Variants in SHB observed in about 807,000 individuals in gnomAD.
SHB encodes SH2 domain containing adaptor protein B, also known as SH2 domain-containing adapter protein B.
A neutral mutation model predicts 52.3 loss-of-function variants in SHB; 20 were observed. That is an observed-to-expected ratio of 0.38 (90% confidence interval 0.27 to 0.56). The LOEUF (loss-of-function observed/expected upper bound fraction) is 0.56, where lower values mean the gene tolerates loss of function less well. Ranked by LOEUF, SHB falls within the 20% of genes least tolerant of loss-of-function variation. SHB has a pLI of 0.71. For synonymous variants in SHB, 397 were observed against 316.5 expected (o/e 1.25, Z -2.70); for missense variants, 825 against 723.3 (o/e 1.14, Z -1.61).
intron 5 of SHB, among the ~76,000 whole-genome samples, chr9:37,923,645 C>G (rs1338160704): frequency 6.6e-6 from 1 of 152,204 alleles, no homozygotes; most frequent in African/African-American, 2.4e-5. Flanking sequence ...GTGACTCCCA[C>G]CTTCACACAA....
At chr9:38,054,267 A>G (rs543489656) in intron 1 of SHB, among the ~76,000 whole-genome samples, 1 of 152,306 alleles carries the variant, frequency 6.6e-6, no homozygotes, top group East Asian at 1.9e-4. Context: ...GCTAGCCCCC[A>G]CAAGGGGCCA....
intron 5 of SHB, among the ~76,000 whole-genome samples, chr9:37,941,218 G>A (rs562938924): frequency 2.6e-5 from 4 of 152,172 alleles, no homozygotes; most frequent in South Asian, 2.1e-4. Context: ...GGGACACACC[G>A]AGCTCTTTCC....
At chr9:37,994,703 CAT>C (rs1820926756) in intron 2 of SHB, among the ~76,000 whole-genome samples, 1 of 152,220 alleles carries the variant, frequency 6.6e-6, no homozygotes, top group African/African-American at 2.4e-5. Context: ...GAGGAATATA[CAT>C]AGAGTGCGCA....
At chr9:37,925,595 T>C (rs887047983) in intron 5 of SHB, among the ~76,000 whole-genome samples, 3 of 152,150 alleles carry the variant, frequency 2.0e-5, no homozygotes, top group African/African-American at 7.2e-5. Context: ...TGCAAAATCA[T>C]GGTCTTCTTG....
At chr9:37,934,281 G>A (rs930734844) in intron 5 of SHB, among the ~76,000 whole-genome samples, 1 of 152,134 alleles carries the variant, frequency 6.6e-6, no homozygotes, top group Non-Finnish European at 1.5e-5. Context: ...ACCCTAAAAG[G>A]TGCATGGGGC....
chr9:38,028,571 A>C (rs1821373605), intron 1 of SHB, among the ~76,000 whole-genome samples: 1 of 152,234 alleles, frequency 6.6e-6, no homozygotes, highest in Non-Finnish European at 1.5e-5. Flanking sequence ...AGGCCACACC[A>C]GAATTGCGAA....
At chr9:38,007,241 TAGTG>T (rs1189979504) in intron 2 of SHB, among the ~76,000 whole-genome samples, 1 of 152,226 alleles carries the variant, frequency 6.6e-6, no homozygotes, top group African/African-American at 2.4e-5. Context: ...AGGCTGCTTA[TAGTG>T]AGTATTTGTT....
At chr9:37,978,919 C>T (rs1466868374) in intron 2 of SHB, among the ~76,000 whole-genome samples, 2 of 152,242 alleles carry the variant, frequency 1.3e-5, no homozygotes, top group African/African-American at 4.8e-5. Context: ...GGCTGGGCTT[C>T]CAGGAGCTGC....
chr9:38,068,649 G>A lies in SHB; in HGVS notation c.-4C>T, dbSNP rs1365277490. ...ACTTGTTTAGCCACTTGGCCATGGC[G>A]AGAGGCCGCCTAGGGCCGCGGCGCG... On this transcript the variant is annotated 5_prime_UTR_variant, in exon 1 of 6. Coordinates refer to ENST00000377707, the MANE Select transcript of SHB (RefSeq NM_003028.3). 2.8e-6 allele frequency: 4 copies of A among 1,421,708 alleles called. No homozygotes were observed. Among genetic ancestry groups the A allele is most frequent in the Admixed American group, 2.9e-5 (1 of 34,664 alleles). The allele number at this position is 1,421,708 out of a possible 1,614,324, so 88.1% of individuals were successfully genotyped here.
intron 3 of SHB, among the ~76,000 whole-genome samples, chr9:37,956,879 C>T (rs1289055871): frequency 1.3e-5 from 2 of 152,210 alleles, no homozygotes; most frequent in African/African-American, 4.8e-5. Flanking sequence ...AGATGACACA[C>T]CTAGAAATCT....
intron 4 of SHB, 66 bp downstream of exon 4, chr9:37,955,817 A>G: frequency 1.3e-6 from 2 of 1,490,438 alleles, no homozygotes; most frequent in East Asian, 2.3e-5. Context: ...AGAAGATGAC[A>G]TGAAAGAGAG....
In SHB at chr9:38,068,498, CGGA is replaced by C. The variant is rs1822007671; in HGVS notation, c.145_147del (p.Ser49del). The C allele has an allele frequency of 3.3e-6, 5 of 1,492,888 alleles. No homozygotes were observed. Among genetic ancestry groups the C allele is most frequent in the South Asian group, 1.3e-5 (1 of 79,212 alleles). 92.5% of individuals were successfully genotyped at this position (1,492,888 alleles called of 1,614,324 possible). On this transcript the variant is annotated inframe_deletion, in exon 1 of 6. Coordinates refer to ENST00000377707, the MANE Select transcript of SHB (RefSeq NM_003028.3). ...GCCGGACCGCAGGACGCCGAGGCGGCGGAGGAGGCCTGCGGCACGGCCTGGGGG... is the reference window on the plus strand; with the variant it reads ...GCCGGACCGCAGGACGCCGAGGCGGCGGAGGCCTGCGGCACGGCCTGGGGG...
intron 2 of SHB, among the ~76,000 whole-genome samples, chr9:38,006,401 C>T (rs894471009): frequency 1.2e-4 from 18 of 152,306 alleles, no homozygotes; most frequent in Non-Finnish European, 1.6e-4. Flanking sequence ...CTGCCCAGCA[C>T]GCAGGGAGCT....
At chr9:38,038,707 T>G (rs899226400) in intron 1 of SHB, among the ~76,000 whole-genome samples, 1 of 152,114 alleles carries the variant, frequency 6.6e-6, no homozygotes, top group African/African-American at 2.4e-5. Context: ...CAGCCCACTC[T>G]GCTCCCTACT....
chr9:37,944,154 G>A (rs1439490091), intron 5 of SHB, among the ~76,000 whole-genome samples: 1 of 152,146 alleles, frequency 6.6e-6, no homozygotes, highest in Non-Finnish European at 1.5e-5. Flanking sequence ...GGGCAATCAG[G>A]CAGAATCGCC....
At chr9:38,021,533 T>C (rs1259059774) in intron 1 of SHB, among the ~76,000 whole-genome samples, 1 of 151,986 alleles carries the variant, frequency 6.6e-6, no homozygotes, top group Non-Finnish European at 1.5e-5. Context: ...CTGGGCGTGG[T>C]GGTGCATGCC....
chr9:37,980,202 A>G (rs1587226215), intron 2 of SHB, among the ~76,000 whole-genome samples: 1 of 152,240 alleles, frequency 6.6e-6, no homozygotes, highest in Non-Finnish European at 1.5e-5. Flanking sequence ...AGGCTGTTTT[A>G]TAACATTTTA....
chr9:37,989,152 A>G (rs914359150), intron 2 of SHB, among the ~76,000 whole-genome samples: 1 of 152,074 alleles, frequency 6.6e-6, no homozygotes, highest in African/African-American at 2.4e-5. Flanking sequence ...ACATGCCTCT[A>G]TGGACAGCCC....
chr9:37,929,829 C>T (rs1339553580), intron 5 of SHB, among the ~76,000 whole-genome samples: 1 of 152,226 alleles, frequency 6.6e-6, no homozygotes, highest in African/African-American at 2.4e-5. Flanking sequence ...GGAAGCTGGG[C>T]GTGGTGACTC....
Sources: allele counts gnomAD v4.1 joint callset (sites outside exome capture counted in the v4.1 genomes callset), GRCh38; gene constraint gnomAD v4.1.1; transcripts MANE v1.5; gene names NCBI Gene and HGNC (gene_info 2026-07-23, HGNC 2026-07-21).